Variants in C2orf80 observed in about 807,000 individuals in gnomAD.
C2orf80 encodes chromosome 2 open reading frame 80.
A neutral mutation model predicts 30.2 loss-of-function variants in C2orf80; 28 were observed. That is an observed-to-expected ratio of 0.93 (90% CI 0.69 to 1.27). The LOEUF is 1.27. Ranked by LOEUF, C2orf80 falls within the 50% of genes most tolerant of loss-of-function variation. C2orf80 has a pLI of 0.00. For synonymous variants in C2orf80, 80 were observed against 76.4 expected (o/e 1.05, Z -0.24); for missense variants, 220 against 231.0 (o/e 0.95, Z 0.31).
At chr2:208,175,602 T>G (rs10207049) in intron 6 of C2orf80, among the ~76,000 whole-genome samples, 1,709 of 152,294 alleles carry the variant, frequency 0.011, 30 homozygotes, top group African/African-American at 0.039. Flanking sequence ...AGGAAATTCT[T>G]CATAATCTGA....
At chr2:208,179,111 C>T (rs1472919092) in intron 6 of C2orf80, among the ~76,000 whole-genome samples, 2 of 152,072 alleles carry the variant, frequency 1.3e-5, no homozygotes, top group Admixed American at 1.3e-4. Flanking sequence ...CCACTGTATC[C>T]CCTGCACCTA....
intron 7 of C2orf80, among the ~76,000 whole-genome samples, chr2:208,171,564 G>A (rs1170854901): frequency 6.6e-6 from 1 of 152,044 alleles, no homozygotes; most frequent in Admixed American, 6.6e-5. Flanking sequence ...CAGGTGATCT[G>A]CCCGCCTCGG....
chr2:208,170,000 G>A lies in C2orf80; in HGVS notation c.573+945C>T, dbSNP rs115378315. Among the ~76,000 whole-genome samples the A allele has an allele frequency of 8.1e-3, 1,233 of 152,214 alleles. 16 individuals are homozygous for A. Among genetic ancestry groups the A allele is most frequent in the African/African-American group, 0.027 (1,126 of 41,536 alleles). ...CTGAATAAATCCTAAGCCTCATGTAGTCCAGTCTATTCAGAGATTCAATTT... is the reference window on the plus strand; with the variant it reads ...CTGAATAAATCCTAAGCCTCATGTAATCCAGTCTATTCAGAGATTCAATTT... On this transcript the variant is annotated intron_variant, in intron 8 of 8. Transcript: ENST00000341287.
chr2:208,177,044 A>G lies in C2orf80; in HGVS notation c.366+3701T>C, dbSNP rs951393590. Reference sequence around the variant, plus strand: ...ATATATACAGATATAGTACACATATATACTATATACATATGTATACATATA... The same window carrying G: ...ATATATACAGATATAGTACACATATGTACTATATACATATGTATACATATA... On this transcript the variant is annotated intron_variant, in intron 6 of 8. Coordinates refer to ENST00000341287, the MANE Select transcript of C2orf80 (RefSeq NM_001099334.3). Among the ~76,000 whole-genome samples, 124 of 74,634 alleles carry G rather than the reference A, an allele frequency of 1.7e-3. 1 individual carries two copies. Among genetic ancestry groups the G allele is most frequent in the African/African-American group, 5.8e-3 (122 of 20,886 alleles). The allele number at this position is 74,634 out of a possible 152,430, so 49.0% of individuals were successfully genotyped here.
chr2:208,188,766 C>T (rs1227500054), intron 1 of C2orf80, among the ~76,000 whole-genome samples: 2 of 152,180 alleles, frequency 1.3e-5, no homozygotes, highest in Non-Finnish European at 2.9e-5. Context: ...ATCATTCTTG[C>T]TGCTGCTACA....
intron 6 of C2orf80, among the ~76,000 whole-genome samples, chr2:208,179,243 C>T (rs1426120966): frequency 6.6e-6 from 1 of 152,196 alleles, no homozygotes; most frequent in Non-Finnish European, 1.5e-5. Flanking sequence ...ATTTGAGTCT[C>T]AGGACTACAG....
At chr2:208,172,412 C>A (rs1309974949) in intron 6 of C2orf80, among the ~76,000 whole-genome samples, 2 of 152,136 alleles carry the variant, frequency 1.3e-5, no homozygotes, top group Admixed American at 1.3e-4. Context: ...TCAAATATGA[C>A]CCCTTCCGAG....
intron 1 of C2orf80, 80 bp downstream of exon 1, chr2:208,189,873 C>A: frequency 1.4e-6 from 1 of 698,218 alleles, no homozygotes; most frequent in Non-Finnish European, 2.6e-6. Flanking sequence ...CTGCTGCACA[C>A]CTGCAATCGT....
rs761813468 is a variant in C2orf80, at chr2:208,181,273, G to A, written c.239C>T (p.Pro80Leu). The change falls in exon 5 of 9, where the codon CCA (proline) becomes CTA (leucine). Residue 80 changes from proline (P) to leucine (L), a missense_variant. By Grantham distance (98) the Pro-to-Leu change is moderately conservative (BLOSUM62 -3). Coordinates refer to ENST00000341287, the MANE Select transcript of C2orf80 (RefSeq NM_001099334.3). The part of the protein sequence containing the change: ...KIPLHGRPIY[P>L]NRREREAMIL... Reference sequence around the variant, plus strand: ...CATAGCTTCTCGTTCTCTACGATTTGGATATATGGGTCTGCCATGGAGTGG... The same window carrying A: ...CATAGCTTCTCGTTCTCTACGATTTAGATATATGGGTCTGCCATGGAGTGG... The A allele has an allele frequency of 3.7e-6, 6 of 1,610,714 alleles. No individual in the cohort carries two copies. The Admixed American group carries it at 1.0e-4, about 27-fold the overall frequency.
chr2:208,175,439 C>T (rs1229818901), intron 6 of C2orf80, among the ~76,000 whole-genome samples: 1 of 152,182 alleles, frequency 6.6e-6, no homozygotes, highest in Non-Finnish European at 1.5e-5. Context: ...AAGCAGTTCC[C>T]TCTCAGGAGG....
intron 6 of C2orf80, among the ~76,000 whole-genome samples, chr2:208,174,765 G>A (rs1354325678): frequency 2.0e-5 from 3 of 152,222 alleles, no homozygotes; most frequent in African/African-American, 7.2e-5. Context: ...GGACTCGAAT[G>A]ATAGCCAGTC....
chr2:208,184,377 A>G lies in C2orf80; in HGVS notation c.123+574T>C, dbSNP rs138023806. 1.7e-3 allele frequency among the ~76,000 whole-genome samples: 255 copies of G among 152,334 alleles called. 1 individual carries two copies. The highest frequency in any genetic ancestry group is 5.8e-3 in the African/African-American group (240 of 41,584). ...GAGCCTGGCTCTACTTTAGTCGGAGAAGAAGAGGAGAGGGGAGTGGAGGGA... is the reference window on the plus strand; with the variant it reads ...GAGCCTGGCTCTACTTTAGTCGGAGGAGAAGAGGAGAGGGGAGTGGAGGGA... On this transcript the variant is annotated intron_variant, in intron 3 of 8. Transcript: ENST00000341287.
chr2:208,187,610 C>T (rs1479038508), intron 1 of C2orf80, among the ~76,000 whole-genome samples: 2 of 152,082 alleles, frequency 1.3e-5, no homozygotes, highest in African/African-American at 4.8e-5. Context: ...CAAAAGGAGT[C>T]TGAAGTCACC....
chr2:208,175,896 G>C (rs910787723), intron 6 of C2orf80, among the ~76,000 whole-genome samples: 6 of 152,136 alleles, frequency 3.9e-5, no homozygotes, highest in Non-Finnish European at 5.9e-5. Context: ...AAAAGTCCCT[G>C]TGTGCAGCTG....
At chr2:208,180,494 A>G (rs1160803744) in intron 6 of C2orf80, among the ~76,000 whole-genome samples, 1 of 151,610 alleles carries the variant, frequency 6.6e-6, no homozygotes, top group African/African-American at 2.4e-5. Flanking sequence ...TTTGCCCCCA[A>G]GCCTGGTACT....
rs552788694 is a variant in C2orf80, at chr2:208,189,937, T to G, written c.-76+16A>C. On this transcript the variant is annotated intron_variant, in intron 1 of 8. Transcript: ENST00000341287. ...AGTGCCTGCTCTTAACAAATTCCCC[T>G]TTGAGAATCGCTCACCAACCGGAGA... is the stretch of plus-strand genomic sequence containing the variant. 1.2e-4 allele frequency: 82 copies of G among 702,964 alleles called. No homozygotes were observed. In the African/African-American group the frequency reaches 1.4e-3, roughly 12 times the overall value. 43.5% of individuals were successfully genotyped at this position (702,964 alleles called of 1,614,324 possible).
intron 6 of C2orf80, among the ~76,000 whole-genome samples, chr2:208,177,800 CTTTATTTA>C (rs371898869): frequency 6.3e-4 from 93 of 147,172 alleles, no homozygotes; most frequent in African/African-American, 2.0e-3. Flanking sequence ...CTTCTAGCAC[CTTTATTTA>C]TTTATTTATT....
chr2:208,167,426 A>G (rs989204857), intron 8 of C2orf80, among the ~76,000 whole-genome samples: 4 of 151,722 alleles, frequency 2.6e-5, no homozygotes, highest in African/African-American at 9.7e-5. Flanking sequence ...GGAGACTGAG[A>G]CAGGAGAATC....
At chr2:208,166,301 AAGAC>A (rs1226610441) in intron 8 of C2orf80, among the ~76,000 whole-genome samples, 1 of 152,216 alleles carries the variant, frequency 6.6e-6, no homozygotes, top group Non-Finnish European at 1.5e-5. Flanking sequence ...CAGAGAGACA[AAGAC>A]AGAATATAAT....
Sources: allele counts gnomAD v4.1 joint callset (sites outside exome capture counted in the v4.1 genomes callset), GRCh38; gene constraint gnomAD v4.1.1; transcripts MANE v1.5; gene names NCBI Gene and HGNC (gene_info 2026-07-23, HGNC 2026-07-21).